Variants in GRAMD1B observed in about 807,000 individuals in gnomAD.
GRAMD1B encodes protein Aster-B.
Under a neutral mutation model 99.7 loss-of-function variants are expected in GRAMD1B, and 37 were observed. That is an observed-to-expected ratio of 0.37 (90% CI 0.29 to 0.49). The LOEUF (loss-of-function observed/expected upper bound fraction) is 0.49, where lower values mean the gene tolerates loss of function less well. Among genes scored for constraint, GRAMD1B ranks in the 20% least tolerant of loss-of-function variants. The probability of loss-of-function intolerance (pLI) is 0.98; values close to 1 mark genes in which losing one functional copy is unlikely to be tolerated. For synonymous variants in GRAMD1B, 427 were observed against 387.6 expected, an observed-to-expected ratio of 1.10 and a Z score of -1.19; for missense variants, 888 against 1,009.2, an observed-to-expected ratio of 0.88 and a Z score of 1.63.
chr11:123,513,113 C>G (rs913263171), intron 2 of GRAMD1B, among the ~76,000 whole-genome samples: 6 of 152,256 alleles, frequency 3.9e-5, no homozygotes, highest in African/African-American at 1.4e-4. Context: ...TTTTAAATGT[C>G]TAAATACTTG....
chr11:123,598,623 A>G (rs1268109740), intron 7 of GRAMD1B: 50 of 1,399,486 alleles, frequency 3.6e-5, no homozygotes, highest in Non-Finnish European at 4.7e-5. Flanking sequence ...CTCTTCTGGG[A>G]TCCTGCCACA....
intron 9 of GRAMD1B, among the ~76,000 whole-genome samples, 163 bp downstream of exon 9, chr11:123,603,704 G>A (rs1952304437): frequency 6.6e-6 from 1 of 152,248 alleles, no homozygotes; most frequent in Admixed American, 6.5e-5. Context: ...GCTCGAGGGG[G>A]CAGAGCCTAA....
chr11:123,440,615 T>A (rs1376437529), intron 1 of GRAMD1B, among the ~76,000 whole-genome samples: 5 of 152,234 alleles, frequency 3.3e-5, no homozygotes, highest in African/African-American at 1.2e-4. Context: ...GTTAACTCAG[T>A]TATTAGAGGG....
chr11:123,384,070 A>G lies in GRAMD1B; in HGVS notation c.-176+25271A>G, dbSNP rs944443679. ...GTTTTTAGTAGAGATGGGGTTTACCATGTTGGCCAGGGTGGTCTTGAACTC... is the reference window on the plus strand; with the variant it reads ...GTTTTTAGTAGAGATGGGGTTTACCGTGTTGGCCAGGGTGGTCTTGAACTC... On this transcript the variant is annotated intron_variant, in intron 1 of 20. Transcript: ENST00000638157. Among the ~76,000 whole-genome samples, 9 of 152,126 alleles carry G rather than the reference A, an allele frequency of 5.9e-5. No individual in the cohort carries two copies. The East Asian group carries it at 1.4e-3, about 23-fold the overall frequency.
At chr11:123,598,324 T>A in intron 7 of GRAMD1B, 1 of 1,216,626 alleles carries the variant, frequency 8.2e-7, no homozygotes. Context: ...GGGTTGTAAA[T>A]GATCTCGTTC....
chr11:123,388,528 G>A (rs1947154823), intron 1 of GRAMD1B, among the ~76,000 whole-genome samples: 1 of 152,036 alleles, frequency 6.6e-6, no homozygotes, highest in Non-Finnish European at 1.5e-5. Context: ...ATGAAAATTA[G>A]CCTGGCATGG....
chr11:123,583,452 G>C (rs1376332452), intron 3 of GRAMD1B, among the ~76,000 whole-genome samples: 2 of 152,056 alleles, frequency 1.3e-5, no homozygotes. Context: ...GCGTGTATGT[G>C]TATGAGTATG....
intron 1 of GRAMD1B, among the ~76,000 whole-genome samples, chr11:123,470,678 C>G (rs1386264874): frequency 6.6e-6 from 1 of 152,038 alleles, no homozygotes; most frequent in Non-Finnish European, 1.5e-5. Flanking sequence ...AAAAAGTAAA[C>G]TAGGAAGGGC....
chr11:123,439,466 C>G (rs1211275786), intron 1 of GRAMD1B, among the ~76,000 whole-genome samples: 1 of 152,170 alleles, frequency 6.6e-6, no homozygotes, highest in Non-Finnish European at 1.5e-5. Flanking sequence ...GAAATCCTCA[C>G]TAGGAAAATG....
At chr11:123,499,440 C>G (rs1939632785) in intron 2 of GRAMD1B, among the ~76,000 whole-genome samples, 1 of 152,220 alleles carries the variant, frequency 6.6e-6, no homozygotes, top group Non-Finnish European at 1.5e-5. Context: ...GACACAACTT[C>G]TGTGTCCCTT....
chr11:123,364,464 G>A (rs1018169448), intron 1 of GRAMD1B, among the ~76,000 whole-genome samples: 1 of 152,246 alleles, frequency 6.6e-6, no homozygotes, highest in African/African-American at 2.4e-5. Context: ...GGGGAAGACA[G>A]AAGCCGCTAT....
intron 2 of GRAMD1B, among the ~76,000 whole-genome samples, chr11:123,563,337 G>A (rs1721887857): frequency 6.6e-6 from 1 of 152,114 alleles, no homozygotes; most frequent in South Asian, 2.1e-4. Context: ...TGTTGTAGGA[G>A]AAGTGATTTT....
chr11:123,482,918 G>A (rs896675323), intron 2 of GRAMD1B, among the ~76,000 whole-genome samples: 3 of 152,012 alleles, frequency 2.0e-5, no homozygotes, highest in African/African-American at 7.3e-5. Flanking sequence ...AATTAGTCGA[G>A]TGTGATGGTG....
intron 1 of GRAMD1B, among the ~76,000 whole-genome samples, chr11:123,434,226 T>C (rs1462242322): frequency 5.8e-5 from 5 of 86,114 alleles, no homozygotes; most frequent in Non-Finnish European, 9.1e-5. Flanking sequence ...TGAGACTCCG[T>C]TTCCAAAAAA....
intron 1 of GRAMD1B, among the ~76,000 whole-genome samples, chr11:123,434,084 G>A (rs1455822414): frequency 6.6e-6 from 1 of 151,882 alleles, no homozygotes; most frequent in Non-Finnish European, 1.5e-5. Flanking sequence ...ACAAAAATTA[G>A]CCAGGTGTGG....
chr11:123,377,439 T>C (rs1946725524), intron 1 of GRAMD1B, among the ~76,000 whole-genome samples: 1 of 152,116 alleles, frequency 6.6e-6, no homozygotes, highest in Admixed American at 6.6e-5. Context: ...GAAAGTTCCT[T>C]AGGAGAAACA....
At chr11:123,470,183 A>T (rs1311673943) in intron 1 of GRAMD1B, among the ~76,000 whole-genome samples, 1 of 152,160 alleles carries the variant, frequency 6.6e-6, no homozygotes, top group Non-Finnish European at 1.5e-5. Flanking sequence ...CACATGCAAG[A>T]GTGAAATCAA....
chr11:123,608,921 C>T, intron 12 of GRAMD1B, 119 bp downstream of exon 12: 1 of 727,436 alleles, frequency 1.4e-6, no homozygotes, highest in South Asian at 1.9e-5. Context: ...TTCCCTCGGC[C>T]ACCTCAGGGC....
chr11:123,385,428 T>C (rs1347817647), intron 1 of GRAMD1B, among the ~76,000 whole-genome samples: 1 of 152,238 alleles, frequency 6.6e-6, no homozygotes, highest in Non-Finnish European at 1.5e-5. Flanking sequence ...GAATACTGTG[T>C]AAATTCTTTA....
Sources: allele counts gnomAD v4.1 joint callset (sites outside exome capture counted in the v4.1 genomes callset), GRCh38; gene constraint gnomAD v4.1.1; transcripts MANE v1.5; gene names NCBI Gene and HGNC (gene_info 2026-07-23, HGNC 2026-07-21).